MCC: variants seen among roughly 807,000 people sequenced by gnomAD.
The protein encoded by MCC is colorectal mutant cancer protein.
A neutral mutation model predicts 116.2 loss-of-function variants in MCC; 90 were observed. That is an observed-to-expected ratio of 0.77 (90% CI 0.65 to 0.92). MCC has a LOEUF of 0.92. MCC is among the 40% of genes least tolerant of loss of function. The pLI is 0.00. For missense variants in MCC, 1,516 were observed against 1,312.2 expected (o/e 1.16, Z -2.40); for synonymous variants, 578 against 510.5 (o/e 1.13, Z -1.78).
At chr5:113,126,784 T>C (rs1758076738) in intron 5 of MCC, among the ~76,000 whole-genome samples, 1 of 152,192 alleles carries the variant, frequency 6.6e-6, no homozygotes, top group South Asian at 2.1e-4. Context: ...AGACTATTAG[T>C]AGTTAAGTTT....
intron 3 of MCC, chr5:113,294,864 G>A: frequency 2.0e-6 from 2 of 985,880 alleles, no homozygotes; most frequent in Non-Finnish European, 1.2e-6. Flanking sequence ...TCCAGAGAAG[G>A]AAAGAAAGCT....
intron 3 of MCC, among the ~76,000 whole-genome samples, chr5:113,322,636 C>T (rs1479966941): frequency 2.0e-5 from 3 of 152,134 alleles, no homozygotes; most frequent in African/African-American, 7.2e-5. Flanking sequence ...CTATTTCTAC[C>T]TCCTGTTTTA....
intron 3 of MCC, among the ~76,000 whole-genome samples, chr5:113,215,418 T>C (rs1763276431): frequency 1.3e-5 from 2 of 152,214 alleles, no homozygotes; most frequent in African/African-American, 2.4e-5. Flanking sequence ...GTTTGAATAC[T>C]GCACCCTTCA....
intron 3 of MCC, among the ~76,000 whole-genome samples, chr5:113,315,702 TA>T (rs1767261849): frequency 2.3e-5 from 1 of 43,194 alleles, no homozygotes; most frequent in African/African-American, 1.3e-4. Flanking sequence ...ACCCCATCTC[TA>T]CAAAAAAAAA....
chr5:113,371,545 T>A (rs1381654772), intron 2 of MCC, among the ~76,000 whole-genome samples: 1 of 152,212 alleles, frequency 6.6e-6, no homozygotes, highest in Non-Finnish European at 1.5e-5. Flanking sequence ...CAAATATGCA[T>A]GCATAAAATG....
intron 2 of MCC, among the ~76,000 whole-genome samples, chr5:113,345,986 A>AAC (rs1408309426): frequency 6.6e-6 from 1 of 152,238 alleles, no homozygotes; most frequent in Non-Finnish European, 1.5e-5. Flanking sequence ...AATTCAAGGT[A>AAC]ACACAGAGAA....
intron 3 of MCC, among the ~76,000 whole-genome samples, chr5:113,223,647 A>G (rs1441624061): frequency 6.6e-6 from 1 of 152,170 alleles, no homozygotes; most frequent in East Asian, 1.9e-4. Context: ...AATTCGATAA[A>G]GGGAAAGGGA....
chr5:113,422,366 G>A (rs1770363002), intron 1 of MCC, among the ~76,000 whole-genome samples: 1 of 152,060 alleles, frequency 6.6e-6, no homozygotes, highest in Non-Finnish European at 1.5e-5. Flanking sequence ...ATGAGTTTGA[G>A]CATTTATTAT....
chr5:113,406,984 T>C (rs1426804587), intron 1 of MCC, among the ~76,000 whole-genome samples: 1 of 152,194 alleles, frequency 6.6e-6, no homozygotes, highest in African/African-American at 2.4e-5. Flanking sequence ...ACTATTTATA[T>C]ACTTAGTGAG....
intron 3 of MCC, among the ~76,000 whole-genome samples, chr5:113,218,686 C>T (rs1763421935): frequency 6.6e-6 from 1 of 152,068 alleles, no homozygotes; most frequent in Admixed American, 6.5e-5. Context: ...GAACTCAATA[C>T]AGATTTTAGA....
At chr5:113,354,957 T>C (rs1768374805) in intron 2 of MCC, among the ~76,000 whole-genome samples, 2 of 152,014 alleles carry the variant, frequency 1.3e-5, no homozygotes, top group Non-Finnish European at 2.9e-5. Flanking sequence ...GAGAAATCTC[T>C]GTACATGTAT....
rs562287244 is a variant in MCC at position 113,208,438 on chromosome 5, T to C, written c.628-57016A>G. Among the ~76,000 whole-genome samples, 5 of 152,278 alleles carry C rather than the reference T, an allele frequency of 3.3e-5. No homozygotes were observed. In the South Asian group the frequency reaches 1.0e-3, roughly 32 times the overall value. On this transcript the variant is annotated intron_variant, in intron 3 of 18. Transcript: ENST00000408903. ...CAGAAGCTGTGTGCAGCTGGACTCC[T>C]GGAAGGCTCTCCCTGCCTTGGGATG...
intron 2 of MCC, among the ~76,000 whole-genome samples, chr5:113,349,240 A>C (rs1011807226): frequency 1.3e-5 from 2 of 152,056 alleles, no homozygotes; most frequent in Non-Finnish European, 2.9e-5. Flanking sequence ...AGAAAAAGAC[A>C]CATCAAAAAA....
chr5:113,076,920 A>T (rs1371299001), intron 11 of MCC, among the ~76,000 whole-genome samples: 2 of 152,206 alleles, frequency 1.3e-5, no homozygotes, highest in East Asian at 1.9e-4. Context: ...CCATCTCACG[A>T]GCAGAGACAC....
intron 14 of MCC, among the ~76,000 whole-genome samples, chr5:113,055,663 C>A (rs954329701): frequency 1.3e-5 from 2 of 152,192 alleles, no homozygotes; most frequent in Non-Finnish European, 2.9e-5. Context: ...GCTAGATCAG[C>A]CTGACCATTA....
intron 1 of MCC, among the ~76,000 whole-genome samples, chr5:113,478,391 A>ATTAGGTATAT (rs1772287999): frequency 1.3e-5 from 2 of 152,204 alleles, no homozygotes; most frequent in South Asian, 4.1e-4. Context: ...ACGGTTGGAT[A>ATTAGGTATAT]TTAGGTATAT....
At chr5:113,266,518 G>A (rs1765423465) in intron 3 of MCC, among the ~76,000 whole-genome samples, 1 of 152,176 alleles carries the variant, frequency 6.6e-6, no homozygotes, top group Non-Finnish European at 1.5e-5. Context: ...ATGGGCAGAA[G>A]ATGGGATAGC....
Position 113,226,250 on chromosome 5 carries a change from T to C in MCC, c.628-74828A>G, listed in dbSNP as rs1251946199. ...TTCTGGAGAGGAAAAAAAGTTTTAT[T>C]GGGATAAATTTATTCTATTCCATGG... On this transcript the variant is annotated intron_variant, in intron 3 of 18. Transcript: ENST00000408903. Among the ~76,000 whole-genome samples the C allele has an allele frequency of 2.0e-5, 3 of 152,222 alleles. No homozygotes were observed. In the South Asian group the frequency reaches 6.2e-4, roughly 31 times the overall value.
intron 4 of MCC, among the ~76,000 whole-genome samples, chr5:113,147,290 G>T (rs1759579107): frequency 6.6e-6 from 1 of 152,090 alleles, no homozygotes. Flanking sequence ...TGCAATCCAG[G>T]GATAAAGCCC....
Sources: gnomAD v4.1 joint callset for allele counts (sites outside exome capture counted in the v4.1 genomes callset) on GRCh38, gnomAD v4.1.1 for gene constraint, MANE v1.5 for transcripts, NCBI Gene and HGNC (gene_info 2026-07-23, HGNC 2026-07-21) for gene names.